Variants in ANKS6 observed in about 807,000 individuals in gnomAD.
ANKS6 encodes ankyrin repeat and SAM domain-containing protein 6.
Under a neutral mutation model 77.9 loss-of-function variants are expected in ANKS6, and 47 were observed. The observed-to-expected ratio is 0.60, with a 90% CI of 0.48 to 0.77. The LOEUF is 0.77. Among genes scored for constraint, ANKS6 ranks in the 30% least tolerant of loss-of-function variants. ANKS6 has a pLI of 0.00. For synonymous variants in ANKS6, 488 were observed against 501.7 expected (o/e 0.97, Z 0.37); for missense variants, 1,150 against 1,159.1 (o/e 0.99, Z 0.11).
intron 11 of ANKS6, among the ~76,000 whole-genome samples, 188 bp downstream of exon 11, chr9:98,767,893 G>C (rs1188529607): frequency 6.6e-6 from 1 of 152,236 alleles, no homozygotes; most frequent in East Asian, 1.9e-4. Flanking sequence ...GGAGATGTGA[G>C]GGGAGGTAAA....
At chr9:98,745,511 G>C (rs781523515) in intron 14 of ANKS6, 48 bp downstream of exon 14, 4 of 1,545,284 alleles carry the variant, frequency 2.6e-6, no homozygotes, top group Non-Finnish European at 3.6e-6. Flanking sequence ...CCCTGGTGAA[G>C]CTCTCAGATG....
intron 11 of ANKS6, among the ~76,000 whole-genome samples, chr9:98,763,838 TA>T (rs768717748): frequency 6.2e-4 from 94 of 152,094 alleles, no homozygotes; most frequent in Non-Finnish European, 1.2e-3. Context: ...TACATACTAC[TA>T]ACAACTGTAT....
chr9:98,753,835 G>C (rs563462005), intron 12 of ANKS6, among the ~76,000 whole-genome samples: 8 of 152,216 alleles, frequency 5.3e-5, no homozygotes, highest in South Asian at 2.1e-4. Context: ...ATACAAAAAT[G>C]AGTAAAAAAT....
At chr9:98,769,589 T>C (rs985985350) in intron 10 of ANKS6, among the ~76,000 whole-genome samples, 1 of 152,180 alleles carries the variant, frequency 6.6e-6, no homozygotes, top group Admixed American at 6.5e-5. Flanking sequence ...AATCTAGCAA[T>C]GTGAGGAAAA....
chr9:98,756,669 C>T, intron 11 of ANKS6, 66 bp from the exon 12 acceptor site: 1 of 1,336,998 alleles, frequency 7.5e-7, no homozygotes, highest in Non-Finnish European at 9.8e-7. Flanking sequence ...GAAAACAAGA[C>T]ACCCACAACA....
At chr9:98,772,769 C>T (rs906599164) in intron 9 of ANKS6, among the ~76,000 whole-genome samples, 2 of 152,172 alleles carry the variant, frequency 1.3e-5, no homozygotes, top group Non-Finnish European at 2.9e-5. Flanking sequence ...GAAAACTCTT[C>T]CACAGCCTGC....
intron 3 of ANKS6, 180 bp from the exon 4 acceptor site, chr9:98,784,337 T>C: frequency 1.9e-6 from 1 of 525,562 alleles, no homozygotes; most frequent in Non-Finnish European, 3.3e-6. Flanking sequence ...TGCCTCAGTC[T>C]AGGCGAGACA....
intron 2 of ANKS6, 64 bp from the exon 3 acceptor site, chr9:98,784,940 G>T: frequency 1.4e-6 from 2 of 1,456,914 alleles, no homozygotes; most frequent in Non-Finnish European, 1.9e-6. Context: ...AAAGTCACAA[G>T]GGTGTAACAA....
chr9:98,759,931 C>T (rs779355494), intron 11 of ANKS6, among the ~76,000 whole-genome samples: 21 of 151,912 alleles, frequency 1.4e-4, no homozygotes, highest in South Asian at 1.0e-3. Flanking sequence ...TGTAGGATGA[C>T]GACAGTTAAC....
chr9:98,759,172 C>G (rs1023146071), intron 11 of ANKS6, among the ~76,000 whole-genome samples: 2 of 152,058 alleles, frequency 1.3e-5, no homozygotes, highest in African/African-American at 4.8e-5. Flanking sequence ...GTTCCATCAT[C>G]CTCTGAATGT....
In ANKS6 at chr9:98,778,256, G is replaced by A; in HGVS notation, c.1537C>T (p.Pro513Ser). The A allele has an allele frequency of 6.2e-7, 1 of 1,614,220 alleles. No homozygotes were observed. The highest frequency in any genetic ancestry group is 8.5e-7 in the Non-Finnish European group (1 of 1,180,048). ...TCTTTGGTCACAGGGGCCGCATCAG[G>A]GAGTGCAGAGCGGCTTGTCTTGTCC... ...PQDKTSRSAL[P>S]DAAPVTKDNG... The change falls in exon 7 of 15, where the codon CCT becomes TCT. Residue 513 changes from proline to serine, a missense_variant. Pro to Ser is a moderately conservative substitution (Grantham distance 74). Coordinates refer to ENST00000353234, the MANE Select transcript of ANKS6 (RefSeq NM_173551.5).
intron 13 of ANKS6, among the ~76,000 whole-genome samples, chr9:98,746,616 A>G (rs1014527377): frequency 6.7e-6 from 1 of 148,986 alleles, no homozygotes; most frequent in Non-Finnish European, 1.5e-5. Context: ...TCAATGTAAC[A>G]TGGCCAGTAA....
At chr9:98,745,714 G>A in intron 13 of ANKS6, 39 bp from the exon 14 acceptor site, 1 of 1,508,624 alleles carries the variant, frequency 6.6e-7, no homozygotes, top group African/African-American at 1.4e-5. Flanking sequence ...TCTGCTGGAT[G>A]CCACAGTTTC....
rs535271212 is a variant in ANKS6 at position 98,756,508 on chromosome 9, G to C, written c.2238C>G (p.His746Gln). 1.9e-6 allele frequency: 3 copies of C among 1,611,512 alleles called. No homozygotes were observed. The highest frequency in any genetic ancestry group is 2.5e-6 in the Non-Finnish European group (3 of 1,178,936). The change falls in exon 12 of 15, where the codon CAC becomes CAG. Residue 746 changes from histidine to glutamine, a missense_variant. By Grantham distance (24) the His-to-Gln change is conservative. Transcript: ENST00000353234. ...TLTPSPSPKG[H>Q]TAESSVSSSS... is the part of the protein sequence containing the mutation. The stretch of plus-strand genomic sequence containing the variant: ...AGGAAGACACTGAGGACTCTGCAGT[G>C]TGCCCTTTGGGTGAGGGGGAGGGCG...
chr9:98,790,520 G>A lies in ANKS6; in HGVS notation c.446C>T (p.Thr149Ile). 6.2e-7 allele frequency: 1 copy of A among 1,613,680 alleles called. No homozygotes were observed. The highest frequency in any genetic ancestry group is 8.5e-7 in the Non-Finnish European group (1 of 1,179,986). Residue 149 changes from threonine (T) to isoleucine (I), a missense_variant, in exon 2 of 15, where the codon ACT becomes ATT. Physicochemically the swap from Thr to Ile is moderately conservative, Grantham distance 89. Coordinates refer to ENST00000353234, the MANE Select transcript of ANKS6 (RefSeq NM_173551.5). ...AQNRLGASVL[T>I]VASRGGHLGV... is the part of the protein sequence containing the mutation. Reference sequence around the variant, plus strand: ...CAGGTGGCCGCCCCGAGAAGCCACAGTGAGCACACTGGCCCCCAGCCGGTT... The same window carrying A: ...CAGGTGGCCGCCCCGAGAAGCCACAATGAGCACACTGGCCCCCAGCCGGTT...
intron 13 of ANKS6, among the ~76,000 whole-genome samples, chr9:98,749,924 TC>T (rs1268583752): frequency 6.6e-6 from 1 of 152,226 alleles, no homozygotes; most frequent in Non-Finnish European, 1.5e-5. Flanking sequence ...ACTGGAACGT[TC>T]TAAACCAGTG....
intron 11 of ANKS6, among the ~76,000 whole-genome samples, 176 bp downstream of exon 11, chr9:98,767,905 G>A (rs1028982594): frequency 2.6e-5 from 4 of 152,242 alleles, no homozygotes; most frequent in Non-Finnish European, 4.4e-5. Context: ...GGAGGTAAAC[G>A]CCTGGTGCGG....
intron 4 of ANKS6, 43 bp from the exon 5 acceptor site, chr9:98,782,616 A>C (rs1190596928): frequency 6.5e-7 from 1 of 1,529,666 alleles, no homozygotes; most frequent in Non-Finnish European, 9.1e-7. Context: ...AAGCAAAGGC[A>C]TGGCTTTGCT....
In ANKS6 at chr9:98,765,160, T is replaced by C. The variant is rs182393722; in HGVS notation, c.2142+2921A>G. Among the ~76,000 whole-genome samples the C allele has an allele frequency of 2.8e-4, 42 of 152,234 alleles. No individual in the cohort carries two copies. In the East Asian group the frequency reaches 6.6e-3, roughly 24 times the overall value. On this transcript the variant is annotated intron_variant, in intron 11 of 14. Transcript: ENST00000353234. ...TTCCATGAAGACAGACAATCCCAAATAGAATCTCTGATAAAGCAGGAGATA... is the reference window on the plus strand; with the variant it reads ...TTCCATGAAGACAGACAATCCCAAACAGAATCTCTGATAAAGCAGGAGATA...
Sources: allele counts gnomAD v4.1 joint callset (sites outside exome capture counted in the v4.1 genomes callset), GRCh38; gene constraint gnomAD v4.1.1; transcripts MANE v1.5; gene names NCBI Gene and HGNC (gene_info 2026-07-23, HGNC 2026-07-21).